The following PDK1 variants were observed in gnomAD, a reference collection of about 807,000 sequenced individuals.
PDK1 encodes pyruvate dehydrogenase kinase 1.
A neutral mutation model predicts 54.2 loss-of-function variants in PDK1; 39 were observed. The ratio of observed to expected loss-of-function variants is 0.72; its 90% confidence interval spans 0.56 to 0.94. The LOEUF is 0.94. Ranked by LOEUF, PDK1 falls within the 40% of genes least tolerant of loss-of-function variation. The pLI is 0.00. For synonymous variants in PDK1, 221 were observed against 207.1 expected (o/e 1.07, Z -0.58); for missense variants, 552 against 566.0 (o/e 0.98, Z 0.25).
the PDK1 span, among the ~76,000 whole-genome samples, chr2:172,644,108 G>A: frequency 1.3e-5 from 2 of 152,098 alleles, no homozygotes; most frequent in Admixed American, 6.6e-5. Flanking sequence ...GAGATGCCCC[G>A]AGGGCATGAG....
the PDK1 span, among the ~76,000 whole-genome samples, chr2:172,654,264 A>C: frequency 6.6e-6 from 1 of 152,206 alleles, no homozygotes; most frequent in Non-Finnish European, 1.5e-5. Flanking sequence ...CCATCCCTTT[A>C]CTGGGCATAT....
downstream of PDK1, among the ~76,000 whole-genome samples, chr2:172,611,692 G>A (rs189769873): frequency 3.0e-4 from 45 of 152,326 alleles, 1 homozygote; most frequent in East Asian, 8.3e-3. Flanking sequence ...CAAGAAGTAC[G>A]TGTCATGACC....
chr2:172,692,642 AG>A, the PDK1 span, among the ~76,000 whole-genome samples: 1 of 152,006 alleles, frequency 6.6e-6, no homozygotes, highest in Non-Finnish European at 1.5e-5. Context: ...TTATAGGGAG[AG>A]GGTATTGAGG....
the PDK1 span, among the ~76,000 whole-genome samples, chr2:172,697,253 A>G: frequency 6.6e-6 from 1 of 152,208 alleles, no homozygotes; most frequent in African/African-American, 2.4e-5. Flanking sequence ...TCTGTGACCA[A>G]TTCCCCAAGA....
At chr2:172,595,743 G>C (rs966136469) in intron 10 of PDK1, 86 bp from the exon 11 acceptor site, 1 of 1,078,204 alleles carries the variant, frequency 9.3e-7, no homozygotes, top group African/African-American at 1.6e-5. Context: ...TTAATTTGTC[G>C]TAACCTTTTT....
the PDK1 span, among the ~76,000 whole-genome samples, chr2:172,615,378 C>A: frequency 6.6e-6 from 1 of 152,178 alleles, no homozygotes; most frequent in African/African-American, 2.4e-5. Context: ...AATCCCAGCA[C>A]TTTGGGAGGC....
chr2:172,621,544 T>A, the PDK1 span, among the ~76,000 whole-genome samples: 6 of 146,892 alleles, frequency 4.1e-5, no homozygotes, highest in Non-Finnish European at 7.5e-5. Flanking sequence ...TATATATATA[T>A]TATATATATA....
chr2:172,668,948 G>C, the PDK1 span, among the ~76,000 whole-genome samples: 1 of 147,832 alleles, frequency 6.8e-6, no homozygotes, highest in African/African-American at 2.5e-5. Context: ...GAAAGAGAGA[G>C]AGACGGAGTA....
At chr2:172,626,611 T>G in the PDK1 span, among the ~76,000 whole-genome samples, 1 of 152,118 alleles carries the variant, frequency 6.6e-6, no homozygotes, top group African/African-American at 2.4e-5. Context: ...CTGGACAACA[T>G]GGTGAGACCC....
the PDK1 span, among the ~76,000 whole-genome samples, chr2:172,688,702 G>A: frequency 8.5e-5 from 13 of 152,284 alleles, no homozygotes; most frequent in South Asian, 2.1e-3. Flanking sequence ...GGAAGATAGG[G>A]AGAAAATTAG....
intron 8 of PDK1, among the ~76,000 whole-genome samples, chr2:172,582,195 T>G (rs557858736): frequency 1.3e-5 from 2 of 152,234 alleles, no homozygotes; most frequent in African/African-American, 2.4e-5. Flanking sequence ...ATTACAGGTA[T>G]GAGCCACAGC....
chr2:172,626,437 T>A, the PDK1 span, among the ~76,000 whole-genome samples: 1 of 152,252 alleles, frequency 6.6e-6, no homozygotes, highest in African/African-American at 2.4e-5. Flanking sequence ...ATAACTGTTC[T>A]TGTCTCTGTA....
At chr2:172,628,730 T>C in the PDK1 span, among the ~76,000 whole-genome samples, 2 of 152,182 alleles carry the variant, frequency 1.3e-5, no homozygotes, top group Admixed American at 6.5e-5. Flanking sequence ...GGTTCATTAT[T>C]TCTGACTGTA....
chr2:172,671,475 GC>G, the PDK1 span, among the ~76,000 whole-genome samples: 1 of 149,338 alleles, frequency 6.7e-6, no homozygotes, highest in Non-Finnish European at 1.5e-5. Flanking sequence ...TTTTTTTTAA[GC>G]TCTTAATATA....
chr2:172,594,144 TCTC>T (rs973673478), intron 10 of PDK1, among the ~76,000 whole-genome samples: 1 of 151,872 alleles, frequency 6.6e-6, no homozygotes, highest in Admixed American at 6.6e-5. Flanking sequence ...TTCAAGCTGT[TCTC>T]CTGCCTCAGC....
chr2:172,557,242 G>A (rs1052524350), intron 1 of PDK1, among the ~76,000 whole-genome samples: 1 of 152,148 alleles, frequency 6.6e-6, no homozygotes, highest in Non-Finnish European at 1.5e-5. Flanking sequence ...GGCGAATTTG[G>A]TGGTATTCAT....
the PDK1 span, among the ~76,000 whole-genome samples, chr2:172,668,597 A>G: frequency 3.3e-5 from 5 of 151,920 alleles, no homozygotes; most frequent in African/African-American, 1.2e-4. Flanking sequence ...ACCTCATAGG[A>G]AATTATGGCC....
At chr2:172,652,042 T>G in the PDK1 span, among the ~76,000 whole-genome samples, 5 of 152,188 alleles carry the variant, frequency 3.3e-5, no homozygotes, top group Non-Finnish European at 7.3e-5. Context: ...CCAATATCCC[T>G]GATGAACATC....
At chr2:172,685,592 CAAT>C in the PDK1 span, among the ~76,000 whole-genome samples, 1 of 152,138 alleles carries the variant, frequency 6.6e-6, no homozygotes, top group Non-Finnish European at 1.5e-5. Context: ...CTAAGTTAAA[CAAT>C]AAGATACCAC....
Sources: allele counts gnomAD v4.1 joint callset (sites outside exome capture counted in the v4.1 genomes callset), GRCh38; gene constraint gnomAD v4.1.1; transcripts MANE v1.5; gene names NCBI Gene and HGNC (gene_info 2026-07-23, HGNC 2026-07-21).